Variants in RAB27B observed in about 807,000 individuals in gnomAD.
The protein encoded by RAB27B is ras-related protein Rab-27B.
Under a neutral mutation model 24.6 loss-of-function variants are expected in RAB27B, and 15 were observed. The observed-to-expected ratio is 0.61, with a 90% CI of 0.41 to 0.94. The LOEUF (loss-of-function observed/expected upper bound fraction) is 0.94, where lower values mean the gene tolerates loss of function less well. Among genes scored for constraint, RAB27B ranks in the 40% least tolerant of loss-of-function variants. RAB27B has a pLI of 0.00. For synonymous variants in RAB27B, 105 were observed against 92.5 expected (o/e 1.14, Z -0.78); for missense variants, 261 against 266.8 (o/e 0.98, Z 0.15).
intron 2 of RAB27B, among the ~76,000 whole-genome samples, chr18:54,804,417 C>T (rs1278673847): frequency 6.6e-6 from 1 of 152,152 alleles, no homozygotes; most frequent in Non-Finnish European, 1.5e-5. Context: ...GCTTTTGCTT[C>T]TTCTTCATTT....
intron 2 of RAB27B, among the ~76,000 whole-genome samples, chr18:54,812,746 G>C (rs1460629088): frequency 6.6e-6 from 1 of 152,020 alleles, no homozygotes; most frequent in Admixed American, 6.6e-5. Flanking sequence ...TATTTCTAAT[G>C]GTTTAAAGAT....
At chr18:54,785,391 T>C (rs2145099881) in intron 2 of RAB27B, among the ~76,000 whole-genome samples, 1 of 150,758 alleles carries the variant, frequency 6.6e-6, no homozygotes, top group South Asian at 2.1e-4. Context: ...CATCAGCCAC[T>C]GAACCCGGCC....
upstream of RAB27B, among the ~76,000 whole-genome samples, chr18:54,824,743 A>G (rs2145172872): frequency 1.3e-5 from 2 of 152,322 alleles, no homozygotes; most frequent in Middle Eastern, 3.4e-3. Context: ...AGAGCAGAAC[A>G]TGGAATCTGG....
At chr18:54,836,831 A>G (rs992922195) in intron 1 of RAB27B, among the ~76,000 whole-genome samples, 2 of 150,498 alleles carry the variant, frequency 1.3e-5, no homozygotes, top group Non-Finnish European at 2.9e-5. Context: ...AATTAATGAC[A>G]TGCTTCAAGG....
chr18:54,813,061 T>C (rs1225691981), intron 2 of RAB27B, among the ~76,000 whole-genome samples: 1 of 152,218 alleles, frequency 6.6e-6, no homozygotes, highest in Non-Finnish European at 1.5e-5. Flanking sequence ...CTTGTTCTCA[T>C]GCTGCTTTCG....
At chr18:54,769,792 C>A (rs1908485397) in intron 2 of RAB27B, among the ~76,000 whole-genome samples, 1 of 152,046 alleles carries the variant, frequency 6.6e-6, no homozygotes, top group South Asian at 2.1e-4. Context: ...GTCCCTTGGA[C>A]CAACACTATT....
chr18:54,893,246 G>A lies in RAB27B; in HGVS notation c.*3833G>A, dbSNP rs866065150. On this transcript the variant is annotated 3_prime_UTR_variant, in exon 6 of 6. Transcript: ENST00000262094. Reference sequence around the variant, plus strand: ...ACGTTTGAGGGAAAAATCCTCATTCGTAAAGGATTTTGGATGTATAATCTA... The same window carrying A: ...ACGTTTGAGGGAAAAATCCTCATTCATAAAGGATTTTGGATGTATAATCTA... The A allele has an allele frequency of 1.3e-5, 2 of 152,000 alleles. No homozygotes were observed. Among genetic ancestry groups the A allele is most frequent in the Middle Eastern group, 3.4e-3 (1 of 294 alleles). 9.4% of individuals were successfully genotyped at this position (152,000 alleles called of 1,614,324 possible). A position where few individuals can be genotyped will look rare whatever the true frequency, so the allele number is the denominator to read the frequency against.
intron 2 of RAB27B, among the ~76,000 whole-genome samples, chr18:54,736,471 T>TAA (rs11326053): frequency 1.4e-5 from 2 of 148,006 alleles, no homozygotes; most frequent in South Asian, 2.2e-4. Context: ...CTTCATTTAG[T>TAA]AAAAAAAAAA....
At chr18:54,883,612 C>T (rs1913014197) in intron 3 of RAB27B, among the ~76,000 whole-genome samples, 1 of 152,038 alleles carries the variant, frequency 6.6e-6, no homozygotes. Flanking sequence ...GCATGGAAAG[C>T]TGACCAGGCA....
chr18:54,839,315 G>GT (rs1047538150), intron 1 of RAB27B, among the ~76,000 whole-genome samples: 4 of 152,064 alleles, frequency 2.6e-5, no homozygotes, highest in African/African-American at 9.7e-5. Flanking sequence ...TGCAAATTCT[G>GT]TTTTTTCCTA....
intron 1 of RAB27B, among the ~76,000 whole-genome samples, chr18:54,831,640 A>G (rs1910683076): frequency 6.6e-6 from 1 of 152,254 alleles, no homozygotes; most frequent in Non-Finnish European, 1.5e-5. Context: ...ACGGATAAGT[A>G]AATAAACAAA....
intron 1 of RAB27B, among the ~76,000 whole-genome samples, chr18:54,846,076 G>A (rs1031017328): frequency 6.6e-6 from 1 of 152,114 alleles, no homozygotes; most frequent in South Asian, 2.1e-4. Context: ...CTTTCGAGTG[G>A]TGGTTTCTCT....
chr18:54,796,463 A>T (rs529535930), intron 2 of RAB27B, among the ~76,000 whole-genome samples: 1 of 152,238 alleles, frequency 6.6e-6, no homozygotes, highest in African/African-American at 2.4e-5. Flanking sequence ...GCAAGCTTTT[A>T]TTGAGTGATG....
intron 2 of RAB27B, among the ~76,000 whole-genome samples, chr18:54,790,087 T>C (rs1315025097): frequency 6.6e-6 from 1 of 152,120 alleles, no homozygotes; most frequent in Non-Finnish European, 1.5e-5. Flanking sequence ...CAATGAATCA[T>C]TGAAACCTGG....
intron 1 of RAB27B, among the ~76,000 whole-genome samples, chr18:54,847,147 G>T (rs1455785884): frequency 6.6e-6 from 1 of 152,102 alleles, no homozygotes; most frequent in Non-Finnish European, 1.5e-5. Context: ...CACCATGCCC[G>T]GCCATGACTG....
At chr18:54,737,481 A>G (rs1031360825) in intron 2 of RAB27B, among the ~76,000 whole-genome samples, 1 of 152,192 alleles carries the variant, frequency 6.6e-6, no homozygotes, top group African/African-American at 2.4e-5. Context: ...TTTGAAGTTT[A>G]TCTGGTACAT....
chr18:54,771,591 AGTGTGTGTGTGTGTGTGTGTGTGT>A (rs36228307), intron 2 of RAB27B, among the ~76,000 whole-genome samples: 10 of 144,884 alleles, frequency 6.9e-5, no homozygotes, highest in African/African-American at 1.0e-4. Context: ...CTGATAGTTT[AGTGTGTGTGTGTGTGTGTGTGTGT>A]GTGTGTGTGT....
chr18:54,812,399 A>G (rs891528130), intron 2 of RAB27B, among the ~76,000 whole-genome samples: 3 of 152,182 alleles, frequency 2.0e-5, no homozygotes, highest in Non-Finnish European at 4.4e-5. Flanking sequence ...GAGTTTTACG[A>G]GTAAAGAAAT....
chr18:54,724,875 T>C (rs1051917587), intron 2 of RAB27B, among the ~76,000 whole-genome samples: 5 of 151,618 alleles, frequency 3.3e-5, no homozygotes, highest in African/African-American at 1.2e-4. Flanking sequence ...GGATATTTTG[T>C]TTGGTGAACA....
Sources: allele counts gnomAD v4.1 joint callset (sites outside exome capture counted in the v4.1 genomes callset), GRCh38; gene constraint gnomAD v4.1.1; transcripts MANE v1.5; gene names NCBI Gene and HGNC (gene_info 2026-07-23, HGNC 2026-07-21).